The following PSME3IP1 variants were observed in gnomAD, a reference collection of about 807,000 sequenced individuals.
PSME3IP1 encodes the protein proteasome activator subunit 3 interacting protein 1.
Under a neutral mutation model 34.1 loss-of-function variants are expected in PSME3IP1, and 13 were observed. The ratio of observed to expected loss-of-function variants is 0.38; its 90% confidence interval spans 0.25 to 0.61. The LOEUF is 0.61. Ranked by LOEUF, PSME3IP1 falls within the 20% of genes least tolerant of loss-of-function variation. The pLI, the probability that PSME3IP1 is intolerant of heterozygous loss-of-function variation, is 0.60. For synonymous variants in PSME3IP1, 93 were observed against 114.3 expected, an observed-to-expected ratio of 0.81 and a Z score of 1.19; for missense variants, 237 against 301.4, an observed-to-expected ratio of 0.79 and a Z score of 1.58.
intron 4 of PSME3IP1, among the ~76,000 whole-genome samples, chr16:57,170,080 G>A (rs147692023): frequency 0.013 from 1,729 of 137,470 alleles, 31 homozygotes; most frequent in African/African-American, 0.045. Context: ...CCCATACAAC[G>A]CTTTTTTTTT....
chr16:57,170,390 G>A (rs1249812881), intron 4 of PSME3IP1, among the ~76,000 whole-genome samples: 2 of 152,036 alleles, frequency 1.3e-5, no homozygotes, highest in Non-Finnish European at 2.9e-5. Context: ...GGCCTCCCAC[G>A]TAACTCTTAA....
intron 1 of PSME3IP1, among the ~76,000 whole-genome samples, chr16:57,179,162 TC>T (rs1199956086): frequency 6.7e-6 from 1 of 148,770 alleles, no homozygotes; most frequent in East Asian, 2.0e-4. Context: ...CTGTCAGCTT[TC>T]CTTTACTCAC....
rs1347150822 is a variant in PSME3IP1, at chr16:57,152,797, G to T, written c.*1493C>A. 2 of 152,670 alleles carry T rather than the reference G, an allele frequency of 1.3e-5. No homozygotes were observed. Among genetic ancestry groups the T allele is most frequent in the African/African-American group, 4.8e-5 (2 of 41,454 alleles). 9.5% of individuals were successfully genotyped at this position (152,670 alleles called of 1,614,324 possible). A position where few individuals can be genotyped will look rare whatever the true frequency, so the allele number is the denominator to read the frequency against. On this transcript the variant is annotated 3_prime_UTR_variant, in exon 7 of 7. Transcript: ENST00000309137. ...CTGGCAGAACAATTAGCACAGAGTA[G>T]TTCTGAAAAGGAGGAAGAATTCACA...
intron 6 of PSME3IP1, among the ~76,000 whole-genome samples, chr16:57,159,330 C>G (rs1175464739): frequency 6.6e-6 from 1 of 152,220 alleles, no homozygotes; most frequent in East Asian, 1.9e-4. Context: ...GCCCTCTGAT[C>G]TCACCCATTT....
At chr16:57,162,972 C>G (rs1429462569) in intron 6 of PSME3IP1, among the ~76,000 whole-genome samples, 1 of 152,032 alleles carries the variant, frequency 6.6e-6, no homozygotes, top group Admixed American at 6.6e-5. Flanking sequence ...CAAGACCAGC[C>G]TGGCCAACAT....
chr16:57,174,435 T>C (rs2072981868), intron 1 of PSME3IP1: 1 of 985,334 alleles, frequency 1.0e-6, no homozygotes, highest in Admixed American at 6.1e-5. Context: ...GGATAATTCT[T>C]ATTACCTGGT....
chr16:57,184,177 G>C (rs1447552175), intron 1 of PSME3IP1, among the ~76,000 whole-genome samples: 1 of 151,674 alleles, frequency 6.6e-6, no homozygotes, highest in Admixed American at 6.6e-5. Flanking sequence ...AAATTATCCA[G>C]AATGTACTAC....
rs554557691 is a variant in PSME3IP1 at position 57,165,729 on chromosome 16, C to T, written c.482+1364G>A. Among the ~76,000 whole-genome samples the T allele has an allele frequency of 8.3e-4, 127 of 152,202 alleles. 1 individual carries two copies. In the South Asian group the frequency reaches 0.022, roughly 26 times the overall value. On this transcript the variant is annotated intron_variant, in intron 5 of 6. Coordinates refer to ENST00000309137, the MANE Select transcript of PSME3IP1 (RefSeq NM_024946.4). ...GTCGGACAGATTAGGAACTCCTGCC[C>T]CAGGAGACTACCTTACTACACAAAG...
chr16:57,163,858 C>A, intron 6 of PSME3IP1, 143 bp downstream of exon 6: 3 of 792,152 alleles, frequency 3.8e-6, no homozygotes, highest in Admixed American at 4.2e-5. Flanking sequence ...TCCTGCCTGG[C>A]ATAAAAAAGT....
intron 1 of PSME3IP1, among the ~76,000 whole-genome samples, chr16:57,180,607 A>G (rs1413732162): frequency 5.9e-5 from 9 of 151,992 alleles, no homozygotes; most frequent in South Asian, 2.1e-4. Flanking sequence ...AAGAAAAAAA[A>G]AAAAGAAAAG....
At position 57,182,551 on chromosome 16, in the gene PSME3IP1, T is replaced by TAAAAAAAAAA. The variant is rs10717048; in HGVS notation, c.-16+3260_-16+3269dup. On this transcript the variant is annotated intron_variant, in intron 1 of 6. Coordinates refer to ENST00000309137, the MANE Select transcript of PSME3IP1 (RefSeq NM_024946.4). ...AACATAAGGAGATACCCATTTCCCT[T>TAAAAAAAAAA]AAAAAAAAAAAAAAAAAAAAAAAAA... Among the ~76,000 whole-genome samples the TAAAAAAAAAA allele has an allele frequency of 1.7e-4, 13 of 76,756 alleles. 1 individual carries two copies. Among genetic ancestry groups the TAAAAAAAAAA allele is most frequent in the Non-Finnish European group, 7.3e-5 (3 of 40,900 alleles). 50.4% of individuals were successfully genotyped at this position (76,756 alleles called of 152,430 possible).
chr16:57,174,852 G>A (rs1408133846), intron 1 of PSME3IP1: 2 of 219,538 alleles, frequency 9.1e-6, no homozygotes, highest in Admixed American at 1.3e-4. Flanking sequence ...TGCCATTTAA[G>A]ATTTGAACTT....
Position 57,156,298 on chromosome 16 carries a change from T to C in PSME3IP1, c.548-1791A>G, listed in dbSNP as rs376586949. On this transcript the variant is annotated intron_variant, in intron 6 of 6. Transcript: ENST00000309137. Reference sequence around the variant, plus strand: ...AGAGTAAGGGTTGGAGTTCATACTTTGTTGCCACAGGCTGACAAGCATACT... The same window carrying C: ...AGAGTAAGGGTTGGAGTTCATACTTCGTTGCCACAGGCTGACAAGCATACT... 7.9e-5 allele frequency among the ~76,000 whole-genome samples: 12 copies of C among 152,362 alleles called. No individual in the cohort carries two copies. The South Asian group carries it at 2.5e-3, about 32-fold the overall frequency.
intron 1 of PSME3IP1, among the ~76,000 whole-genome samples, chr16:57,176,931 T>C (rs1230677500): frequency 6.6e-6 from 1 of 152,168 alleles, no homozygotes; most frequent in African/African-American, 2.4e-5. Flanking sequence ...CTTGGCTCAC[T>C]GCAACCTCCG....
intron 4 of PSME3IP1, among the ~76,000 whole-genome samples, chr16:57,168,608 C>A (rs907598643): frequency 6.6e-6 from 1 of 151,838 alleles, no homozygotes; most frequent in African/African-American, 2.4e-5. Context: ...TCAAGACCAG[C>A]CTGACCAGCA....
chr16:57,178,719 T>C (rs764780115), intron 1 of PSME3IP1: 8 of 982,574 alleles, frequency 8.1e-6, no homozygotes, highest in Non-Finnish European at 9.7e-6. Flanking sequence ...CTATATTATA[T>C]AATTGATGTC....
rs1170615485 is a variant in PSME3IP1 at position 57,172,292 on chromosome 16, G to A, written c.307C>T (p.Gln103Ter). The change falls in exon 4 of 7, where the codon CAA becomes TAA. Residue 103 changes from glutamine to a stop codon, truncating the protein, a stop_gained. Coordinates refer to ENST00000309137, the MANE Select transcript of PSME3IP1 (RefSeq NM_024946.4). LOFTEE classifies it high-confidence loss of function. Reference protein sequence around the residue: ...VSRQQELIEKQRREEELKELK... With the variant: ...VSRQQELIEK ...TCTTTCAGTTCTTCTTCTCTTCGTT[G>A]CTTTTCTATTAGTTCCTGCTGTCGA... The A allele has an allele frequency of 1.2e-6, 2 of 1,613,672 alleles. No individual in the cohort carries two copies. Among genetic ancestry groups the A allele is most frequent in the African/African-American group, 1.3e-5 (1 of 74,910 alleles).
Position 57,154,259 on chromosome 16 carries a change from G to C in PSME3IP1, c.*31C>G, listed in dbSNP as rs1478553039. ...GCATGAACGGTCCGATCTACCCTTG[G>C]GGAGGAGCTCCCTGTGTAGGGACGG... On this transcript the variant is annotated 3_prime_UTR_variant, in exon 7 of 7. Transcript: ENST00000309137. This position sits in a 1 kb window ranked among gnomAD's most constrained non-coding sequence, Gnocchi z 4.0. 1.2e-6 allele frequency: 2 copies of C among 1,603,708 alleles called. No homozygotes were observed. The highest frequency in any genetic ancestry group is 1.1e-5 in the South Asian group (1 of 90,800).
At chr16:57,159,206 A>C (rs2070936115) in intron 6 of PSME3IP1, among the ~76,000 whole-genome samples, 1 of 152,252 alleles carries the variant, frequency 6.6e-6, no homozygotes, top group African/African-American at 2.4e-5. Context: ...GAAGAGTTTA[A>C]GTGAAGAGAC....
Sources: gnomAD v4.1 joint callset for allele counts (sites outside exome capture counted in the v4.1 genomes callset) on GRCh38, gnomAD v4.1.1 for gene constraint, Gnocchi (gnomAD v3.1) non-coding constraint, MANE v1.5 for transcripts, NCBI Gene and HGNC (gene_info 2026-07-23, HGNC 2026-07-21) for gene names.